Variants in MOBP observed in about 807,000 individuals in gnomAD.
MOBP encodes the protein myelin-associated oligodendrocyte basic protein.
MOBP carries 5 observed loss-of-function variants against 15.0 expected under a neutral mutation model. The observed-to-expected ratio is 0.33, with a 90% CI of 0.17 to 0.70. The LOEUF (loss-of-function observed/expected upper bound fraction) is 0.70, where lower values mean the gene tolerates loss of function less well. MOBP is among the 30% of genes least tolerant of loss of function. The pLI, the probability that MOBP is intolerant of heterozygous loss-of-function variation, is 0.67. For missense variants in MOBP, 188 were observed against 257.8 expected (o/e 0.73, Z 1.85); for synonymous variants, 88 against 99.0 (o/e 0.89, Z 0.66).
chr3:39,469,244 A>G (rs1399140170), intron 1 of MOBP, among the ~76,000 whole-genome samples: 4 of 145,702 alleles, frequency 2.7e-5, no homozygotes, highest in Non-Finnish European at 4.5e-5. Flanking sequence ...GTGTGTGTAT[A>G]TATACATATA....
At chr3:39,509,900 C>A (rs921866873) in intron 4 of MOBP, among the ~76,000 whole-genome samples, 1 of 152,072 alleles carries the variant, frequency 6.6e-6, no homozygotes, top group African/African-American at 2.4e-5. Flanking sequence ...AAATCTTTTT[C>A]TAATTCAAGG....
intron 1 of MOBP, among the ~76,000 whole-genome samples, chr3:39,477,012 G>C (rs1270473099): frequency 6.6e-6 from 1 of 151,924 alleles, no homozygotes; most frequent in Admixed American, 6.6e-5. Context: ...GAGACACTCT[G>C]ACCCAGTCAA....
downstream of MOBP, among the ~76,000 whole-genome samples, chr3:39,504,863 A>G (rs2043028996): frequency 6.6e-6 from 1 of 152,232 alleles, no homozygotes; most frequent in Non-Finnish European, 1.5e-5. Context: ...AGATTTTCTG[A>G]AGCCAACTTG....
At chr3:39,522,087 G>A (rs1205595111) in intron 3 of MOBP, among the ~76,000 whole-genome samples, 2 of 152,220 alleles carry the variant, frequency 1.3e-5, no homozygotes, top group African/African-American at 4.8e-5. Flanking sequence ...GAGGTGGTAT[G>A]TAAGGTGGTT....
chr3:39,520,948 C>CTTTTTT (rs561522506), downstream of MOBP, among the ~76,000 whole-genome samples: 1 of 147,580 alleles, frequency 6.8e-6, no homozygotes, highest in Non-Finnish European at 1.5e-5. Flanking sequence ...GCTCTATATT[C>CTTTTTT]TTTTTTTTTT....
chr3:39,483,905 C>T (rs1335238368), intron 2 of MOBP, among the ~76,000 whole-genome samples: 1 of 152,214 alleles, frequency 6.6e-6, no homozygotes, highest in South Asian at 2.1e-4. Flanking sequence ...CCGAGTCCTA[C>T]ATAACATCCC....
chr3:39,482,738 T>C (rs2042646779), intron 2 of MOBP, among the ~76,000 whole-genome samples: 1 of 151,800 alleles, frequency 6.6e-6, no homozygotes, highest in Admixed American at 6.6e-5. Context: ...CCCTCCCTTA[T>C]AGTATTTTTT....
At chr3:39,503,498 G>A (rs2043006544), downstream of MOBP, among the ~76,000 whole-genome samples, 1 of 151,002 alleles carries the variant, frequency 6.6e-6, no homozygotes, top group Admixed American at 6.6e-5. Context: ...TTCATAATAT[G>A]CATGTACATG....
exon 5 of MOBP, chr3:39,515,135 T>A (rs1199969462): frequency 1.3e-5 from 2 of 152,394 alleles, no homozygotes; most frequent in African/African-American, 4.8e-5. Context: ...GATCATGAGA[T>A]GACTGTATGC....
intron 1 of MOBP, among the ~76,000 whole-genome samples, chr3:39,475,752 C>T (rs1398667): frequency 0.27 from 41,422 of 151,794 alleles, 7,151 homozygotes; most frequent in African/African-American, 0.49. Context: ...TGTTGCCAAC[C>T]CCTCTGAGCA....
chr3:39,507,570 G>A (rs1161397802), downstream of MOBP, among the ~76,000 whole-genome samples: 1 of 152,196 alleles, frequency 6.6e-6, no homozygotes, highest in African/African-American at 2.4e-5. Flanking sequence ...CCGAGAATGA[G>A]CGAGCTAGAA....
rs149157075 is a variant in MOBP at position 39,497,958 on chromosome 3, A to G, written c.-4-4108A>G. Among the ~76,000 whole-genome samples, 1,090 of 152,342 alleles carry G rather than the reference A, an allele frequency of 7.2e-3. 15 individuals are homozygous for G. The highest frequency in any genetic ancestry group is 0.03 in the Admixed American group (454 of 15,306). ...GACTGCTTACAGCTGGAATTTGCCT[A>G]TTTGAACACTGTTGGCTGTCTGTGA... is the stretch of plus-strand genomic sequence containing the variant. On this transcript the variant is annotated intron_variant, in intron 2 of 3. Coordinates refer to ENST00000684792, the MANE Select transcript of MOBP (RefSeq NM_001393704.1).
rs114069834 is a variant in MOBP, at chr3:39,503,000, C to A, written c.*120C>A. 1,009 of 583,624 alleles carry A rather than the reference C, an allele frequency of 1.7e-3. 9 individuals are homozygous for A. The highest frequency in any genetic ancestry group is 0.016 in the African/African-American group (850 of 52,670). The allele number at this position is 583,624 out of a possible 1,614,324, so 36.2% of individuals were successfully genotyped here. Reference sequence around the variant, plus strand: ...TATTACCCAACCTGTGTAATCAGCTCCCTCCATTAAATCCCCTCTGTTTGA... The same window carrying A: ...TATTACCCAACCTGTGTAATCAGCTACCTCCATTAAATCCCCTCTGTTTGA... On this transcript the variant is annotated 3_prime_UTR_variant, in exon 4 of 4. Transcript: ENST00000684792. The surrounding 1 kb of genome is among the most constrained non-coding windows in gnomAD (Gnocchi z 6.3).
At chr3:39,484,135 A>G (rs1329749943) in intron 2 of MOBP, among the ~76,000 whole-genome samples, 2 of 152,226 alleles carry the variant, frequency 1.3e-5, no homozygotes, top group Non-Finnish European at 2.9e-5. Flanking sequence ...GAGAGGGACA[A>G]ATCTTTTTGG....
chr3:39,470,998 T>C (rs993607729), intron 1 of MOBP, among the ~76,000 whole-genome samples: 2 of 152,222 alleles, frequency 1.3e-5, no homozygotes, highest in African/African-American at 4.8e-5. Flanking sequence ...GGCACCCAGA[T>C]GACCATCCAT....
chr3:39,508,184 C>A (rs956467178), intron 4 of MOBP, among the ~76,000 whole-genome samples: 1 of 152,202 alleles, frequency 6.6e-6, no homozygotes, highest in Non-Finnish European at 1.5e-5. Flanking sequence ...AAAAAGGAAG[C>A]ATGTACCTCA....
chr3:39,483,467 C>A (rs767178329), intron 2 of MOBP, among the ~76,000 whole-genome samples: 7 of 152,150 alleles, frequency 4.6e-5, no homozygotes, highest in Non-Finnish European at 8.8e-5. Flanking sequence ...AAGAATGGAA[C>A]CCCTGGAAAA....
chr3:39,517,296 T>G (rs1014705031), downstream of MOBP, among the ~76,000 whole-genome samples: 1 of 152,138 alleles, frequency 6.6e-6, no homozygotes, highest in Admixed American at 6.5e-5. Context: ...TGTTTGTAAA[T>G]GGGAAATGAG....
At chr3:39,527,232 G>T (rs888186553), downstream of MOBP, 18 of 152,072 alleles carry the variant, frequency 1.2e-4, no homozygotes, top group African/African-American at 4.1e-4. Flanking sequence ...TATATCCATG[G>T]CCCTCTGTGA....
Sources: allele counts gnomAD v4.1 joint callset (sites outside exome capture counted in the v4.1 genomes callset), GRCh38; gene constraint gnomAD v4.1.1; non-coding constraint Gnocchi (gnomAD v3.1); transcripts MANE v1.5; gene names NCBI Gene and HGNC (gene_info 2026-07-23, HGNC 2026-07-21).